The following TLK1 variants were observed in gnomAD, a reference collection of about 807,000 sequenced individuals.
TLK1 encodes the protein serine/threonine-protein kinase tousled-like 1.
A neutral mutation model predicts 105.3 loss-of-function variants in TLK1; 24 were observed. The observed-to-expected ratio is 0.23, with a 90% CI of 0.17 to 0.32. TLK1 has a LOEUF of 0.32. Ranked by LOEUF, TLK1 falls within the 10% of genes least tolerant of loss-of-function variation. The pLI is 1.00. For synonymous variants in TLK1, 321 were observed against 310.4 expected (o/e 1.03, Z -0.36); for missense variants, 558 against 910.5 (o/e 0.61, Z 4.98).
intron 2 of TLK1, among the ~76,000 whole-genome samples, chr2:171,097,787 T>TG (rs1256182143): frequency 1.3e-5 from 2 of 152,064 alleles, no homozygotes; most frequent in Non-Finnish European, 2.9e-5. Flanking sequence ...AGCTGGGTGT[T>TG]GACGGCGGGT....
At chr2:171,103,660 T>C (rs1051729740) in intron 2 of TLK1, among the ~76,000 whole-genome samples, 1 of 152,228 alleles carries the variant, frequency 6.6e-6, no homozygotes, top group African/African-American at 2.4e-5. Context: ...AGCCTGTAGA[T>C]GGAGTCTCAT....
intron 1 of TLK1, among the ~76,000 whole-genome samples, chr2:171,194,733 C>A (rs958403770): frequency 1.4e-5 from 2 of 147,236 alleles, no homozygotes; most frequent in African/African-American, 2.5e-5. Flanking sequence ...AGGAGAATGG[C>A]GTGAACCTGG....
At chr2:171,102,053 T>C (rs1051966599) in intron 2 of TLK1, among the ~76,000 whole-genome samples, 1 of 152,214 alleles carries the variant, frequency 6.6e-6, no homozygotes, top group Non-Finnish European at 1.5e-5. Context: ...TATATGTTCT[T>C]TGGTTCCTCC....
intron 18 of TLK1, among the ~76,000 whole-genome samples, chr2:170,998,561 T>G (rs1684193990): frequency 6.6e-6 from 1 of 152,136 alleles, no homozygotes; most frequent in Non-Finnish European, 1.5e-5. Context: ...CCATAAGCCA[T>G]CTTTTGCTTC....
At chr2:171,166,055 T>C (rs1023697418) in intron 1 of TLK1, among the ~76,000 whole-genome samples, 1 of 152,258 alleles carries the variant, frequency 6.6e-6, no homozygotes, top group Non-Finnish European at 1.5e-5. Flanking sequence ...TGTTACATGT[T>C]ACAATTGTAG....
chr2:171,101,629 T>C (rs1375489802), intron 2 of TLK1, among the ~76,000 whole-genome samples: 1 of 152,218 alleles, frequency 6.6e-6, no homozygotes, highest in Non-Finnish European at 1.5e-5. Context: ...TTTGATGGTA[T>C]GTTAATTATA....
At chr2:171,004,295 G>C (rs1040099154) in intron 18 of TLK1, among the ~76,000 whole-genome samples, 3 of 151,776 alleles carry the variant, frequency 2.0e-5, no homozygotes, top group African/African-American at 7.3e-5. Context: ...TACATGGTTC[G>C]TCAGTGAGAT....
chr2:171,200,413 T>C (rs1226310477), intron 1 of TLK1, among the ~76,000 whole-genome samples: 1 of 152,242 alleles, frequency 6.6e-6, no homozygotes, highest in Non-Finnish European at 1.5e-5. Context: ...CTGGAAGCCA[T>C]GGTTCCTTTC....
chr2:171,021,366 G>T (rs1195829843), intron 12 of TLK1, among the ~76,000 whole-genome samples: 1 of 151,480 alleles, frequency 6.6e-6, no homozygotes, highest in African/African-American at 2.4e-5. Flanking sequence ...TCACACACAG[G>T]TGCAATGCCT....
At chr2:171,130,416 T>C (rs1157703688) in intron 1 of TLK1, among the ~76,000 whole-genome samples, 1 of 152,000 alleles carries the variant, frequency 6.6e-6, no homozygotes, top group East Asian at 1.9e-4. Flanking sequence ...AAAAAAAATC[T>C]TGGTAATGAC....
intron 2 of TLK1, among the ~76,000 whole-genome samples, chr2:171,113,446 A>AT (rs1690270262): frequency 6.6e-6 from 1 of 151,558 alleles, no homozygotes; most frequent in African/African-American, 2.4e-5. Flanking sequence ...AATTTTTTGT[A>AT]TTTTTTAGTA....
intron 2 of TLK1, among the ~76,000 whole-genome samples, chr2:171,104,638 T>A (rs1689837779): frequency 6.6e-6 from 1 of 152,190 alleles, no homozygotes; most frequent in Admixed American, 6.5e-5. Context: ...GGCATCACAC[T>A]ACTGGACTTC....
chr2:171,135,566 C>T (rs1303218357), intron 1 of TLK1, among the ~76,000 whole-genome samples: 2 of 151,710 alleles, frequency 1.3e-5, no homozygotes, highest in South Asian at 2.1e-4. Flanking sequence ...TTTGGGAGGC[C>T]GAGGAGGGTG....
intron 1 of TLK1, among the ~76,000 whole-genome samples, chr2:171,213,172 A>G (rs937812303): frequency 1.8e-4 from 27 of 151,840 alleles, no homozygotes; most frequent in African/African-American, 6.0e-4. Context: ...ACAGGGCTCT[A>G]TATCAGGCCA....
intron 1 of TLK1, among the ~76,000 whole-genome samples, chr2:171,222,901 G>A (rs566673572): frequency 5.9e-4 from 89 of 152,068 alleles, no homozygotes; most frequent in Admixed American, 1.5e-3. Context: ...TGCAACCTCC[G>A]CTTCCCAGGT....
At chr2:171,194,690 G>C (rs1318088216) in intron 1 of TLK1, among the ~76,000 whole-genome samples, 1 of 149,098 alleles carries the variant, frequency 6.7e-6, no homozygotes, top group African/African-American at 2.6e-5. Flanking sequence ...GGTAGCGGGC[G>C]CCTGTAGTCC....
rs535767887 is a variant in TLK1, at chr2:171,225,180, A to C, written c.-6+5965T>G. ...AAACTTTTCTGCTTCAAAGGACATC[A>C]GTGAGAAAGTGAGAAGCAACCCACA... On this transcript the variant is annotated intron_variant, in intron 1 of 20. Coordinates refer to the TLK1 transcript ENST00000521943. Among the ~76,000 whole-genome samples the C allele has an allele frequency of 5.3e-5, 8 of 152,354 alleles. No individual in the cohort carries two copies. The East Asian group carries it at 9.6e-4, about 18-fold the overall frequency.
intron 14 of TLK1, among the ~76,000 whole-genome samples, chr2:171,009,116 G>A (rs534413336): frequency 6.6e-6 from 1 of 152,166 alleles, no homozygotes; most frequent in East Asian, 1.9e-4. Flanking sequence ...TGATGAATGA[G>A]GAAGGTGAGG....
At chr2:171,182,933 AAAAAAG>A in intron 1 of TLK1, among the ~76,000 whole-genome samples, 1 of 148,956 alleles carries the variant, frequency 6.7e-6, no homozygotes, top group East Asian at 2.0e-4. Context: ...AAAAAAAAAA[AAAAAAG>A]AAAGAAAGAA....
Sources: allele counts gnomAD v4.1 joint callset (sites outside exome capture counted in the v4.1 genomes callset), GRCh38; gene constraint gnomAD v4.1.1; transcripts MANE v1.5; gene names NCBI Gene and HGNC (gene_info 2026-07-23, HGNC 2026-07-21).